The following AFF2 variants were observed in gnomAD, a reference collection of about 807,000 sequenced individuals.
The protein encoded by AFF2 is ALF transcription elongation factor 2.
In AFF2, 14 loss-of-function variants were observed where a neutral mutation model predicts 76.9. The observed-to-expected ratio is 0.18, with a 90% CI of 0.12 to 0.28. The LOEUF is 0.28. Among genes scored for constraint, AFF2 ranks in the 10% least tolerant of loss-of-function variants. AFF2 has a pLI of 1.00. For missense variants in AFF2, 868 were observed against 1,001.1 expected (o/e 0.87, Z 1.79); for synonymous variants, 398 against 366.7 (o/e 1.09, Z -0.98).
intron 4 of AFF2, among the ~76,000 whole-genome samples, chrX:148,836,756 C>T (rs1340687840): frequency 9.0e-6 from 1 of 111,557 alleles, no homozygotes; most frequent in Non-Finnish European, 1.9e-5. Flanking sequence ...TGCCCTAAGA[C>T]TCAAGTAAGA....
intron 16 of AFF2, among the ~76,000 whole-genome samples, chrX:148,975,963 A>AAAAAAAAAAAAAAT (rs1569557890): frequency 1.0e-5 from 1 of 99,545 alleles, no homozygotes; most frequent in East Asian, 3.3e-4. Flanking sequence ...AAAAAAAAAA[A>AAAAAAAAAAAAAAT]ATATGAAAGT....
Position 148,707,801 on chromosome X carries a change from C to T in AFF2, c.1041+45033C>T, listed in dbSNP as rs181447836. ...CAATTGGGCTTGTTGTCTGTGGCAT[C>T]GTGCTTTGTATTAGTGTTTTACTTT... On this transcript the variant is annotated intron_variant, in intron 3 of 20. Transcript: ENST00000370460. 7.0e-3 allele frequency among the ~76,000 whole-genome samples: 785 copies of T among 111,542 alleles called. 8 individuals are homozygous for T. The highest frequency in any genetic ancestry group is 0.024 in the African/African-American group (732 of 30,695).
At chrX:148,581,643 C>G (rs2053412024) in intron 1 of AFF2, among the ~76,000 whole-genome samples, 1 of 106,697 alleles carries the variant, frequency 9.4e-6, no homozygotes, top group Admixed American at 9.7e-5. Flanking sequence ...CGTGTACACA[C>G]ATATATACAT....
At chrX:148,702,750 A>T (rs1413169243) in intron 3 of AFF2, among the ~76,000 whole-genome samples, 6 of 112,383 alleles carry the variant, frequency 5.3e-5, no homozygotes, top group African/African-American at 1.9e-4. Context: ...TTCCTAGGGC[A>T]TTTTAAACAA....
chrX:148,809,728 A>T (rs1316441463), intron 3 of AFF2, 148 bp from the exon 4 acceptor site: 1 of 520,207 alleles, frequency 1.9e-6, no homozygotes, highest in Non-Finnish European at 3.1e-6. Context: ...GTAAAACAAA[A>T]TTAGTCATTT....
At chrX:148,781,043 G>T (rs1403146338) in intron 3 of AFF2, among the ~76,000 whole-genome samples, 3 of 111,739 alleles carry the variant, frequency 2.7e-5, no homozygotes, top group Non-Finnish European at 5.6e-5. Flanking sequence ...GGGGTTTTCC[G>T]CCAGACTCTG....
At chrX:148,637,010 T>C (rs1603264745) in intron 1 of AFF2, among the ~76,000 whole-genome samples, 1 of 111,984 alleles carries the variant, frequency 8.9e-6, no homozygotes, top group East Asian at 2.8e-4. Context: ...GGGCACGCAC[T>C]GGTTCCCACA....
chrX:148,890,667 A>T (rs967150753), intron 8 of AFF2, among the ~76,000 whole-genome samples: 2 of 112,161 alleles, frequency 1.8e-5, no homozygotes, highest in Non-Finnish European at 3.8e-5. Context: ...CCAGGAAATT[A>T]TGTGTCTCCA....
intron 8 of AFF2, among the ~76,000 whole-genome samples, chrX:148,898,268 C>T (rs1314334417): frequency 1.8e-5 from 2 of 111,925 alleles, no homozygotes; most frequent in Non-Finnish European, 3.8e-5. Flanking sequence ...CTGGCTGTGG[C>T]AGGGTCTAGA....
chrX:148,860,116 A>G (rs1468901355), intron 7 of AFF2, among the ~76,000 whole-genome samples: 1 of 112,036 alleles, frequency 8.9e-6, no homozygotes, highest in Non-Finnish European at 1.9e-5. Flanking sequence ...TTTTGCTAAC[A>G]CAAGTTGAGA....
intron 8 of AFF2, among the ~76,000 whole-genome samples, chrX:148,898,853 A>G (rs1260400087): frequency 9.0e-6 from 1 of 111,163 alleles, no homozygotes; most frequent in African/African-American, 3.3e-5. Context: ...ATTTTCCCCA[A>G]CCTCTGCCTG....
chrX:148,749,371 A>G (rs978563059), intron 3 of AFF2, among the ~76,000 whole-genome samples: 1 of 110,226 alleles, frequency 9.1e-6, no homozygotes, highest in African/African-American at 3.3e-5. Flanking sequence ...TCCCGGGCTC[A>G]ACAGATCCTC....
At chrX:148,810,790 C>A (rs782110846) in intron 4 of AFF2, among the ~76,000 whole-genome samples, 12 of 111,945 alleles carry the variant, frequency 1.1e-4, no homozygotes, top group Non-Finnish European at 2.3e-4. Context: ...CATGTAAAAA[C>A]CATGAAGGCT....
chrX:148,724,577 A>G (rs1603287950), intron 3 of AFF2, among the ~76,000 whole-genome samples: 1 of 112,332 alleles, frequency 8.9e-6, no homozygotes, highest in East Asian at 2.8e-4. Flanking sequence ...AAATTGCCTG[A>G]GAGATATTAC....
chrX:148,880,771 C>A lies in AFF2; in HGVS notation c.1263-5118C>A, dbSNP rs552680647. On this transcript the variant is annotated intron_variant, in intron 7 of 20. Transcript: ENST00000370460. ...CTCCTATATGACAGAGGTAGCAACA[C>A]TGGTTCTGTCTCCAACATCATTACA... Among the ~76,000 whole-genome samples, 27 of 111,792 alleles carry A rather than the reference C, an allele frequency of 2.4e-4. No individual in the cohort carries two copies. The South Asian group carries it at 0.01, about 43-fold the overall frequency.
chrX:148,697,777 G>T (rs1347009766), intron 3 of AFF2, among the ~76,000 whole-genome samples: 2 of 111,828 alleles, frequency 1.8e-5, no homozygotes, highest in Non-Finnish European at 3.8e-5. Context: ...CAAGCACCTG[G>T]TGGGGTTGTT....
intron 3 of AFF2, among the ~76,000 whole-genome samples, chrX:148,703,134 A>G (rs1486639633): frequency 1.8e-5 from 2 of 112,118 alleles, no homozygotes; most frequent in Non-Finnish European, 3.8e-5. Flanking sequence ...CATAGTGTCA[A>G]GGCATTTAGA....
chrX:148,897,894 T>C (rs1178180475), intron 8 of AFF2, among the ~76,000 whole-genome samples: 5 of 111,607 alleles, frequency 4.5e-5, no homozygotes, highest in Non-Finnish European at 9.4e-5. Flanking sequence ...AACACCTCAA[T>C]GCAATACTGA....
rs1169793090 is a variant in AFF2 at position 148,501,031 on chromosome X, G to A, written c.-67G>A. On this transcript the variant is annotated 5_prime_UTR_variant, in exon 1 of 21. Transcript: ENST00000370460. ...CCGCCGAGAACCGCCAGCGAGCTGTGCCGAGAGCCGCGCCGACCCGCTGCG... is the reference window on the plus strand; with the variant it reads ...CCGCCGAGAACCGCCAGCGAGCTGTACCGAGAGCCGCGCCGACCCGCTGCG... 49 of 1,173,694 alleles carry A rather than the reference G, an allele frequency of 4.2e-5. No homozygotes were observed. The highest frequency in any genetic ancestry group is 5.4e-5 in the Non-Finnish European group (47 of 874,189).
Sources: allele counts gnomAD v4.1 joint callset (sites outside exome capture counted in the v4.1 genomes callset), GRCh38; gene constraint gnomAD v4.1.1; transcripts MANE v1.5; gene names NCBI Gene and HGNC (gene_info 2026-07-23, HGNC 2026-07-21).